Variants in PKD1L3 observed in about 807,000 individuals in gnomAD.
The protein encoded by PKD1L3 is polycystin-1-like protein 3.
A neutral mutation model predicts 184.1 loss-of-function variants in PKD1L3; 239 were observed. The ratio of observed to expected loss-of-function variants is 1.30; its 90% CI spans 1.17 to 1.45. PKD1L3 has a LOEUF of 1.45. Among genes scored for constraint, PKD1L3 ranks in the 40% most tolerant of loss-of-function variants. The pLI is 0.00. For missense variants in PKD1L3, 2,660 were observed against 2,067.2 expected, an observed-to-expected ratio of 1.29 and a Z score of -5.56; for synonymous variants, 996 against 778.8, an observed-to-expected ratio of 1.28 and a Z score of -4.64.
intron 15 of PKD1L3, among the ~76,000 whole-genome samples, chr16:71,964,431 C>A (rs2039416239): frequency 7.1e-6 from 1 of 141,180 alleles, no homozygotes; most frequent in African/African-American, 2.6e-5. Flanking sequence ...CTCCACCTCC[C>A]AGGTTCAAGC....
intron 22 of PKD1L3, among the ~76,000 whole-genome samples, chr16:71,947,088 T>C (rs9673858): frequency 6.6e-6 from 1 of 151,834 alleles, no homozygotes; most frequent in Non-Finnish European, 1.5e-5. Flanking sequence ...AAACCCTGTC[T>C]CTACTAATAC....
chr16:71,996,090 A>G (rs2040772851), intron 2 of PKD1L3, among the ~76,000 whole-genome samples: 1 of 152,106 alleles, frequency 6.6e-6, no homozygotes, highest in Admixed American at 6.6e-5. Flanking sequence ...ATAATTGTAT[A>G]TTCACATGCC....
In PKD1L3 at chr16:71,967,991, A is replaced by G; in HGVS notation, c.2201T>C (p.Leu734Pro). The G allele has an allele frequency of 6.4e-7, 1 of 1,551,426 alleles. No homozygotes were observed. The highest frequency in any genetic ancestry group is 8.7e-7 in the Non-Finnish European group (1 of 1,146,760). ...TTGAGCGCTGGGGTCATTATCAGCC[A>G]GGACAGTGACCTTCACCTGCAAGAA... is the stretch of plus-strand genomic sequence containing the variant. ...ADMQKVKVTV[L>P]ADNDPSAQFH... The change falls in exon 14 of 30, where the codon CTG becomes CCG. Residue 734 changes from leucine (L) to proline (P), a missense_variant. Leu to Pro is a moderately conservative substitution (Grantham distance 98). Coordinates refer to ENST00000620267, the MANE Select transcript of PKD1L3 (RefSeq NM_181536.2).
At chr16:71,979,416 C>A (rs1408161447) in intron 9 of PKD1L3, among the ~76,000 whole-genome samples, 1 of 152,088 alleles carries the variant, frequency 6.6e-6, no homozygotes, top group Non-Finnish European at 1.5e-5. Context: ...TGCACTCCAG[C>A]CTGGGTGACA....
At chr16:71,937,151 G>T in intron 25 of PKD1L3, 141 bp downstream of exon 25, 2 of 805,714 alleles carry the variant, frequency 2.5e-6, no homozygotes, top group East Asian at 5.9e-5. Flanking sequence ...TGCCTCCCAG[G>T]CTCAAGCAAT....
intron 21 of PKD1L3, 27 bp from the exon 22 acceptor site, chr16:71,947,618 T>A: frequency 7.0e-7 from 1 of 1,423,264 alleles, no homozygotes; most frequent in African/African-American, 1.4e-5. Flanking sequence ...CAGAACATCG[T>A]GAGCAGACAT....
chr16:71,976,546 T>C (rs1012179191), intron 11 of PKD1L3, among the ~76,000 whole-genome samples: 3 of 151,094 alleles, frequency 2.0e-5, no homozygotes, highest in Admixed American at 2.0e-4. Context: ...TATGAGCCAC[T>C]CTGCCTGGCC....
chr16:71,980,275 T>A, intron 7 of PKD1L3, 141 bp from the exon 8 acceptor site: 1 of 1,185,358 alleles, frequency 8.4e-7, no homozygotes, highest in Non-Finnish European at 1.2e-6. Context: ...GACCTTGGAA[T>A]CTCACAGAAA....
chr16:71,999,048 G>C lies in PKD1L3; in HGVS notation c.295+636C>G, dbSNP rs1010887404. Among the ~76,000 whole-genome samples, 182 of 152,028 alleles carry C rather than the reference G, an allele frequency of 1.2e-3. 1 individual carries two copies. The highest frequency in any genetic ancestry group is 4.0e-3 in the African/African-American group (168 of 41,512). On this transcript the variant is annotated intron_variant, in intron 1 of 29. Transcript: ENST00000620267. ...GCACTTTTGGAGGCCGAGGCGGGCG[G>C]ATCACGAGGTCAGGAGATCAAGACC...
At chr16:71,981,998 G>A (rs2040177524) in intron 7 of PKD1L3, 61 bp downstream of exon 7, 6 of 1,409,274 alleles carry the variant, frequency 4.3e-6, no homozygotes, top group Non-Finnish European at 4.7e-6. Context: ...TGTGATACCT[G>A]GACCTGTCAA....
intron 12 of PKD1L3, 51 bp downstream of exon 12, chr16:71,973,273 T>A: frequency 3.9e-6 from 6 of 1,526,254 alleles, no homozygotes; most frequent in Non-Finnish European, 5.3e-6. Context: ...GCATTGGGCT[T>A]AACAGTAGCT....
intron 16 of PKD1L3, among the ~76,000 whole-genome samples, chr16:71,959,800 G>GT (rs1292915297): frequency 6.6e-6 from 1 of 152,046 alleles, no homozygotes; most frequent in African/African-American, 2.4e-5. Flanking sequence ...ACAATGTATA[G>GT]TTTCTAAACC....
chr16:71,966,423 C>CA (rs2039503411), intron 15 of PKD1L3, among the ~76,000 whole-genome samples: 1 of 142,664 alleles, frequency 7.0e-6, no homozygotes, highest in Non-Finnish European at 1.5e-5. Context: ...AAGATCTTGA[C>CA]TTTTTTTTTT....
chr16:71,930,305 G>T, intron 28 of PKD1L3, 122 bp from the exon 29 acceptor site: 1 of 1,013,524 alleles, frequency 9.9e-7, no homozygotes, highest in Non-Finnish European at 1.4e-6. Flanking sequence ...GAAACTTAGG[G>T]AGAGAGTCAA....
rs1277253875 is a variant in PKD1L3, at chr16:71,986,449, G to A, written c.606C>T (p.Pro202=). Residue 202 remains proline (P), a synonymous_variant, in exon 5 of 30, where the codon CCC becomes CCT. Coordinates refer to ENST00000620267, the MANE Select transcript of PKD1L3 (RefSeq NM_181536.2). ...PAHLSKTLCH[P]ISQFPSVLSS... is the part of the protein sequence containing the mutation. ...ATAGTACTGAAGGAAACTGGCTGAT[G>A]GGATGACACAGGGTCTTGGACTAAA... 7.7e-6 allele frequency: 12 copies of A among 1,551,820 alleles called. No homozygotes were observed. Among genetic ancestry groups the A allele is most frequent in the Admixed American group, 2.0e-5 (1 of 50,984 alleles).
Position 71,956,473 on chromosome 16 carries a change from G to A in PKD1L3, c.2613-2172C>T, listed in dbSNP as rs143768319. On this transcript the variant is annotated intron_variant, in intron 16 of 29. Transcript: ENST00000620267. ...CTCCCAAAGTGCTGAGATTACAGGT[G>A]TGAGCCACCGCACCCGGCCCAAAAA... is the stretch of plus-strand genomic sequence containing the variant. 2.7e-3 allele frequency among the ~76,000 whole-genome samples: 407 copies of A among 152,196 alleles called. 3 individuals carry two copies. Among genetic ancestry groups the A allele is most frequent in the African/African-American group, 8.6e-3 (359 of 41,512 alleles).
intron 18 of PKD1L3, 113 bp downstream of exon 18, chr16:71,952,781 T>G: frequency 8.7e-7 from 1 of 1,147,034 alleles, no homozygotes; most frequent in Non-Finnish European, 1.2e-6. Context: ...GCTGCCACAG[T>G]GAGCCGAGGT....
chr16:71,976,599 T>C (rs371920405), intron 11 of PKD1L3, among the ~76,000 whole-genome samples: 4 of 152,024 alleles, frequency 2.6e-5, no homozygotes, highest in South Asian at 2.1e-4. Context: ...TCTACAATTA[T>C]CTCAAAATGA....
In PKD1L3 at chr16:71,982,217, G is replaced by C. The variant is rs969711542; in HGVS notation, c.985C>G (p.Leu329Val). 6.5e-7 allele frequency: 1 copy of C among 1,543,060 alleles called. No homozygotes were observed. The highest frequency in any genetic ancestry group is 1.7e-4 in the Middle Eastern group (1 of 5,920). The change falls in exon 7 of 30, where the codon CTT becomes GTT. Residue 329 changes from leucine (L) to valine (V), a missense_variant. Coordinates refer to ENST00000620267, the MANE Select transcript of PKD1L3 (RefSeq NM_181536.2). ...KPAQVNLINS[L>V]IYLSEELLRI... ...AGTAACTCCTCACTCAGGTAAATAAGGGAATTGATGAGATTAACCTGGGAG... is the reference window on the plus strand; with the variant it reads ...AGTAACTCCTCACTCAGGTAAATAACGGAATTGATGAGATTAACCTGGGAG...
Sources: gnomAD v4.1 joint callset for allele counts (sites outside exome capture counted in the v4.1 genomes callset) on GRCh38, gnomAD v4.1.1 for gene constraint, MANE v1.5 for transcripts, NCBI Gene and HGNC (gene_info 2026-07-23, HGNC 2026-07-21) for gene names.